BPNT2: variants seen among roughly 807,000 people sequenced by gnomAD.
BPNT2 encodes the protein Golgi-resident adenosine 3',5'-bisphosphate 3'-phosphatase.
A neutral mutation model predicts 29.3 loss-of-function variants in BPNT2; 11 were observed. The observed-to-expected ratio is 0.38, with a 90% CI of 0.24 to 0.62. The LOEUF is 0.62. Ranked by LOEUF, BPNT2 falls within the 20% of genes least tolerant of loss-of-function variation. The probability of loss-of-function intolerance (pLI) is 0.62; values close to 1 mark genes in which losing one functional copy is unlikely to be tolerated. For missense variants in BPNT2, 459 were observed against 473.4 expected (o/e 0.97, Z 0.28); for synonymous variants, 195 against 187.7 (o/e 1.04, Z -0.32).
intron 2 of BPNT2, among the ~76,000 whole-genome samples, chr8:56,979,806 T>A (rs1352913902): frequency 1.3e-5 from 2 of 152,216 alleles, no homozygotes; most frequent in African/African-American, 4.8e-5. Context: ...AAGTCAGATG[T>A]ACATGCATTA....
rs559655615 is a variant in BPNT2 at position 56,993,275 on chromosome 8, T to C, written c.311A>G (p.Asp104Gly). 4 of 1,611,162 alleles carry C rather than the reference T, an allele frequency of 2.5e-6. No homozygotes were observed. Among genetic ancestry groups the C allele is most frequent in the South Asian group, 2.2e-5 (2 of 91,062 alleles). The change falls in exon 1 of 5, where the codon GAC becomes GGC. Residue 104 changes from aspartate (D) to glycine (G), a missense_variant. Transcript: ENST00000262644. ...SKGKTREGAEDKMTSGDVLSN... is the reference protein window; with the variant it reads ...SKGKTREGAEGKMTSGDVLSN... The stretch of plus-strand genomic sequence containing the variant: ...CAGCACGTCGCCGCTGGTCATCTTG[T>C]CCTCGGCTCCCTCGCGCGTCTTCCC...
At position 56,961,255 on chromosome 8, in the gene BPNT2, A is replaced by T. The variant is rs1361596140; in HGVS notation, c.*2538T>A. 2 of 152,246 alleles carry T rather than the reference A, an allele frequency of 1.3e-5. No individual in the cohort carries two copies. Among genetic ancestry groups the T allele is most frequent in the Admixed American group, 6.5e-5 (1 of 15,288 alleles). 9.4% of individuals were successfully genotyped at this position (152,246 alleles called of 1,614,324 possible). A position where few individuals can be genotyped will look rare whatever the true frequency, so the allele number is the denominator to read the frequency against. Reference sequence around the variant, plus strand: ...AAAGGTAATGACTTTGCTACTTTTTAGAAATAATTTTAATGTAATTCTGGG... The same window carrying T: ...AAAGGTAATGACTTTGCTACTTTTTTGAAATAATTTTAATGTAATTCTGGG... On this transcript the variant is annotated 3_prime_UTR_variant, in exon 5 of 5. Transcript: ENST00000262644.
rs1340139892 is a variant in BPNT2, at chr8:56,993,303, T to C, written c.283A>G (p.Lys95Glu). 1 of 1,612,284 alleles carries C rather than the reference T, an allele frequency of 6.2e-7. No individual in the cohort carries two copies. Among genetic ancestry groups the C allele is most frequent in the Non-Finnish European group, 8.5e-7 (1 of 1,179,958 alleles). ...TCGGCTCCCTCGCGCGTCTTCCCCTTGGACTTCTCGTGGAGGACGTTGCTC... is the reference window on the plus strand; with the variant it reads ...TCGGCTCCCTCGCGCGTCTTCCCCTCGGACTTCTCGTGGAGGACGTTGCTC... ...RESNVLHEKS[K>E]GKTREGAEDK... The change falls in exon 1 of 5, where the codon AAG (lysine) becomes GAG (glutamate). Residue 95 changes from lysine (K) to glutamate (E), a missense_variant. Lys to Glu is a moderately conservative substitution (Grantham distance 56). Coordinates refer to ENST00000262644, the MANE Select transcript of BPNT2 (RefSeq NM_017813.5).
intron 1 of BPNT2, among the ~76,000 whole-genome samples, chr8:56,986,354 A>C (rs1409639842): frequency 6.6e-6 from 1 of 152,210 alleles, no homozygotes; most frequent in African/African-American, 2.4e-5. Context: ...ACAGATCTGA[A>C]GGGAAAGCAC....
chr8:56,990,289 A>G (rs1278031691), intron 1 of BPNT2, among the ~76,000 whole-genome samples: 1 of 152,222 alleles, frequency 6.6e-6, no homozygotes, highest in African/African-American at 2.4e-5. Flanking sequence ...ACATTAAATC[A>G]AAACTATAAA....
At chr8:56,971,257 G>A (rs1228960922) in intron 3 of BPNT2, among the ~76,000 whole-genome samples, 1 of 138,290 alleles carries the variant, frequency 7.2e-6, no homozygotes, top group Non-Finnish European at 1.5e-5. Flanking sequence ...TATTTTACCT[G>A]TAAGATAAGC....
In BPNT2 at chr8:56,993,344, A is replaced by C. The variant is rs189210871; in HGVS notation, c.242T>G (p.Val81Gly). 1 of 1,610,664 alleles carries C rather than the reference A, an allele frequency of 6.2e-7. No homozygotes were observed. The highest frequency in any genetic ancestry group is 8.5e-7 in the Non-Finnish European group (1 of 1,179,862). ...VLAAVRGGDE[V>G]RRVRESNVLH... ...GACGTTGCTCTCGCGGACGCGCCTC[A>C]CCTCGTCGCCGCCGCGGACTGCGGC... Residue 81 changes from valine (V) to glycine (G), a missense_variant, in exon 1 of 5, where the codon GTG (valine) becomes GGG (glycine). By Grantham distance (109) the Val-to-Gly change is moderately radical. Transcript: ENST00000262644.
chr8:56,966,234 C>G lies in BPNT2; in HGVS notation c.765G>C (p.Gln255His). 6.2e-7 allele frequency: 1 copy of G among 1,614,190 alleles called. No individual in the cohort carries two copies. The highest frequency in any genetic ancestry group is 1.3e-5 in the African/African-American group (1 of 75,052). ...TAATTGTAGTCTGGTTTCCAAAAGT[C>G]TGAAGAGCGACCTGTTTGACCATCC... ...HSGMVKQVAL[Q>H]TFGNQTTIIP... Residue 255 changes from glutamine to histidine, a missense_variant, in exon 4 of 5, where the codon CAG becomes CAC. Transcript: ENST00000262644.
At chr8:56,969,748 C>T (rs115171376) in intron 3 of BPNT2, among the ~76,000 whole-genome samples, 315 of 152,088 alleles carry the variant, frequency 2.1e-3, no homozygotes, top group African/African-American at 6.9e-3. Flanking sequence ...TTAGTAAAAG[C>T]AACAAAAAGA....
rs1228813543 is a variant in BPNT2 at position 56,993,522 on chromosome 8, C to T, written c.64G>A (p.Gly22Ser). 6.7e-7 allele frequency: 1 copy of T among 1,496,150 alleles called. No individual in the cohort carries two copies. The highest frequency in any genetic ancestry group is 2.8e-5 in the East Asian group (1 of 35,160). The allele number at this position is 1,496,150 out of a possible 1,614,324, so 92.7% of individuals were successfully genotyped here. A position where few individuals can be genotyped will look rare whatever the true frequency, so the allele number is the denominator to read the frequency against. ...CCCGAGTAGAGGTGGTAGAGCACGC[C>T]GAGCCCCAGCAGGCAAAACACTGCC... Reference protein sequence around the residue: ...GVAVFCLLGLGVLYHLYSGFL... With the variant: ...GVAVFCLLGLSVLYHLYSGFL... Residue 22 changes from glycine (G) to serine (S), a missense_variant, in exon 1 of 5, where the codon GGC (glycine) becomes AGC (serine). Transcript: ENST00000262644.
chr8:56,986,528 C>G (rs1806328592), intron 1 of BPNT2, among the ~76,000 whole-genome samples: 1 of 152,144 alleles, frequency 6.6e-6, no homozygotes, highest in Non-Finnish European at 1.5e-5. Context: ...ACAAATGCTC[C>G]TCAACTTACA....
At chr8:56,983,142 C>T (rs1171027650) in intron 1 of BPNT2, among the ~76,000 whole-genome samples, 1 of 152,080 alleles carries the variant, frequency 6.6e-6, no homozygotes, top group African/African-American at 2.4e-5. Flanking sequence ...TGTTCTAAAA[C>T]TGATTAATGA....
rs1805785784 is a variant in BPNT2, at chr8:56,959,128, T to G, written c.*4665A>C. On this transcript the variant is annotated 3_prime_UTR_variant, in exon 5 of 5. Transcript: ENST00000262644. ...TTTTCAATTTCCACAAATTGTTAAT[T>G]ATGATACTTAAGGGAACCCTTACAA... The G allele has an allele frequency of 6.6e-6, 1 of 152,236 alleles. No individual in the cohort carries two copies. Among genetic ancestry groups the G allele is most frequent in the Admixed American group, 6.5e-5 (1 of 15,292 alleles). 9.4% of individuals were successfully genotyped at this position (152,236 alleles called of 1,614,324 possible). A position where few individuals can be genotyped will look rare whatever the true frequency, so the allele number is the denominator to read the frequency against.
At chr8:56,980,002 A>T in intron 2 of BPNT2, 33 bp downstream of exon 2, 1 of 1,608,248 alleles carries the variant, frequency 6.2e-7, no homozygotes, top group Middle Eastern at 1.9e-4. Flanking sequence ...ACTAAACGTC[A>T]ATCAAATGTT....
At chr8:56,966,502 T>C (rs1805956303) in intron 3 of BPNT2, 150 bp from the exon 4 acceptor site, 1 of 705,272 alleles carries the variant, frequency 1.4e-6, no homozygotes, top group African/African-American at 1.8e-5. Flanking sequence ...AAAGCTTTTT[T>C]TTTCAGAGTA....
rs756422743 is a variant in BPNT2, at chr8:56,966,194, C to A, written c.805G>T (p.Ala269Ser). 3.7e-6 allele frequency: 6 copies of A among 1,614,102 alleles called. No homozygotes were observed. ...NQTTIIPAGGAGYKVLALLDV... is the reference protein window; with the variant it reads ...NQTTIIPAGGSGYKVLALLDV... The stretch of plus-strand genomic sequence containing the variant: ...CCACACAGGAAGAGGAACATACCAG[C>A]ACCACCAGCTGGGATAATTGTAGTC... The change falls in exon 4 of 5, where the codon GCT becomes TCT. Residue 269 changes from alanine to serine, a missense_variant. By Grantham distance (99) the Ala-to-Ser change is moderately conservative (BLOSUM62 1). Coordinates refer to ENST00000262644, the MANE Select transcript of BPNT2 (RefSeq NM_017813.5).
At chr8:56,987,227 C>A (rs1190788857) in intron 1 of BPNT2, among the ~76,000 whole-genome samples, 2 of 152,320 alleles carry the variant, frequency 1.3e-5, no homozygotes, top group East Asian at 3.9e-4. Flanking sequence ...TAACCTCACA[C>A]AGTGCCTATC....
chr8:56,988,154 T>A (rs1033226828), intron 1 of BPNT2, among the ~76,000 whole-genome samples: 1 of 152,198 alleles, frequency 6.6e-6, no homozygotes, highest in East Asian at 1.9e-4. Context: ...CAATTAAACA[T>A]GCTGTAGTGT....
rs149663774 is a variant in BPNT2 at position 56,964,160 on chromosome 8, G to A, written c.809-96C>T. 54 of 829,054 alleles carry A rather than the reference G, an allele frequency of 6.5e-5. No homozygotes were observed. The African/African-American group carries it at 8.1e-4, about 12-fold the overall frequency. 51.4% of individuals were successfully genotyped at this position (829,054 alleles called of 1,614,324 possible). On this transcript the variant is annotated intron_variant, in intron 4 of 4. Coordinates refer to ENST00000262644, the MANE Select transcript of BPNT2 (RefSeq NM_017813.5). Reference sequence around the variant, plus strand: ...AGTATCCTGTTAAAATAGCAGGATGGAGTGTGCAGGAGCTTGCTGCAGTCT... The same window carrying A: ...AGTATCCTGTTAAAATAGCAGGATGAAGTGTGCAGGAGCTTGCTGCAGTCT...
Sources: allele counts gnomAD v4.1 joint callset (sites outside exome capture counted in the v4.1 genomes callset), GRCh38; gene constraint gnomAD v4.1.1; transcripts MANE v1.5; gene names NCBI Gene and HGNC (gene_info 2026-07-23, HGNC 2026-07-21).